The following SLAIN1 variants were observed in gnomAD, a reference collection of about 807,000 sequenced individuals.
SLAIN1 encodes SLAIN family member 1, also known as SLAIN motif-containing protein 1.
In SLAIN1, 17 loss-of-function variants were observed where a neutral mutation model predicts 55.4. The observed-to-expected ratio is 0.31, with a 90% CI of 0.21 to 0.46. SLAIN1 has a LOEUF of 0.46. SLAIN1 is among the 20% of genes least tolerant of loss of function. The probability of loss-of-function intolerance (pLI) is 1.00; values close to 1 mark genes in which losing one functional copy is unlikely to be tolerated. For synonymous variants in SLAIN1, 348 were observed against 337.4 expected (o/e 1.03, Z -0.35); for missense variants, 682 against 785.1 (o/e 0.87, Z 1.57).
At chr13:77,751,537 T>C (rs1874211107) in intron 4 of SLAIN1, among the ~76,000 whole-genome samples, 1 of 152,152 alleles carries the variant, frequency 6.6e-6, no homozygotes, top group South Asian at 2.1e-4. Context: ...GTAAACACAA[T>C]AGATGTTTGT....
chr13:77,731,016 T>C (rs372936181), intron 2 of SLAIN1, among the ~76,000 whole-genome samples: 5 of 151,956 alleles, frequency 3.3e-5, no homozygotes, highest in African/African-American at 9.7e-5. Flanking sequence ...ATGAGAGAAG[T>C]GAGGGGACAA....
chr13:77,698,060 AGCGGCCAGCGCG>A lies in SLAIN1; in HGVS notation c.150_161del (p.Ser52_Ala55del), dbSNP rs770558787. ...AGCAGAACGAGCAGCTGCGGAGTCG[AGCGGCCAGCGCG>A]GCCGCCGCCCCGCACCTGCTGCTGC... On this transcript the variant is annotated inframe_deletion, in exon 1 of 7. Transcript: ENST00000418532. This position sits in a 1 kb window ranked among gnomAD's most constrained non-coding sequence, Gnocchi z 4.1. 111 of 1,358,106 alleles carry A rather than the reference AGCGGCCAGCGCG, an allele frequency of 8.2e-5. 2 individuals are homozygous for A. The South Asian group carries it at 1.6e-3, about 20-fold the overall frequency. The allele number at this position is 1,358,106 out of a possible 1,614,324, so 84.1% of individuals were successfully genotyped here.
intron 6 of SLAIN1, among the ~76,000 whole-genome samples, chr13:77,762,675 T>C (rs1312511299): frequency 6.6e-6 from 1 of 152,296 alleles, no homozygotes; most frequent in East Asian, 1.9e-4. Flanking sequence ...GTTGGGATTA[T>C]AGATGTGAGC....
chr13:77,726,594 A>T (rs1249905290), intron 2 of SLAIN1, among the ~76,000 whole-genome samples: 1 of 151,832 alleles, frequency 6.6e-6, no homozygotes, highest in Non-Finnish European at 1.5e-5. Flanking sequence ...TACCTGGCAA[A>T]TTTTTTGCAG....
chr13:77,705,580 C>T (rs1034919320), intron 1 of SLAIN1, among the ~76,000 whole-genome samples: 1 of 150,990 alleles, frequency 6.6e-6, no homozygotes, highest in African/African-American at 2.4e-5. Context: ...ATTCTAATGA[C>T]ATTGAATAAA....
At chr13:77,738,609 C>T (rs1002493099) in intron 2 of SLAIN1, among the ~76,000 whole-genome samples, 4 of 152,020 alleles carry the variant, frequency 2.6e-5, no homozygotes, top group Non-Finnish European at 4.4e-5. Flanking sequence ...AGCAAACTAA[C>T]GCAGAACAGA....
At chr13:77,744,100 T>A (rs1873644485) in intron 2 of SLAIN1, 183 bp from the exon 3 acceptor site, 1 of 596,170 alleles carries the variant, frequency 1.7e-6, no homozygotes. Context: ...AATGAACAAG[T>A]GGTTTTGTAT....
At chr13:77,710,994 T>G (rs965576337) in intron 1 of SLAIN1, among the ~76,000 whole-genome samples, 3 of 152,056 alleles carry the variant, frequency 2.0e-5, no homozygotes, top group Non-Finnish European at 4.4e-5. Flanking sequence ...ACTGGGTAAA[T>G]AAAGAAATTA....
chr13:77,748,548 G>C (rs1025625144), intron 4 of SLAIN1, among the ~76,000 whole-genome samples: 2 of 151,902 alleles, frequency 1.3e-5, no homozygotes, highest in African/African-American at 4.8e-5. Flanking sequence ...CAGAAAAGTG[G>C]TATTCACTTC....
intron 1 of SLAIN1, among the ~76,000 whole-genome samples, chr13:77,703,555 G>T (rs749605852): frequency 6.6e-6 from 1 of 152,028 alleles, no homozygotes; most frequent in Non-Finnish European, 1.5e-5. Context: ...TTGAAGTGAG[G>T]TGCTGAAGTA....
chr13:77,705,451 C>G (rs970207852), intron 1 of SLAIN1, among the ~76,000 whole-genome samples: 1 of 151,860 alleles, frequency 6.6e-6, no homozygotes, highest in Non-Finnish European at 1.5e-5. Flanking sequence ...TTCAGATGCT[C>G]TTGCCAGAAT....
chr13:77,753,027 C>A (rs890298578), intron 4 of SLAIN1, among the ~76,000 whole-genome samples, 176 bp from the exon 5 acceptor site: 4 of 152,134 alleles, frequency 2.6e-5, no homozygotes, highest in Non-Finnish European at 5.9e-5. Flanking sequence ...TTGGTGGGAA[C>A]CCTTCTGGTT....
chr13:77,742,914 TTTGTC>T (rs900276794), intron 2 of SLAIN1: 28 of 737,640 alleles, frequency 3.8e-5, no homozygotes, highest in Middle Eastern at 3.1e-4. Context: ...GAAAAGTTGC[TTTGTC>T]TTTTTTTTTT....
At chr13:77,744,621 A>G in intron 3 of SLAIN1, 189 bp downstream of exon 3, 1 of 761,912 alleles carries the variant, frequency 1.3e-6, no homozygotes, top group East Asian at 2.7e-5. Flanking sequence ...ACTTAGTCTG[A>G]TGAAAACACA....
chr13:77,699,166 C>T (rs762535191), intron 1 of SLAIN1: 5 of 1,049,990 alleles, frequency 4.8e-6, no homozygotes, highest in Non-Finnish European at 6.8e-6. Flanking sequence ...GGTGACCTCA[C>T]TGGCTTTCCC....
chr13:77,728,360 GGC>G (rs2091327195), intron 2 of SLAIN1, among the ~76,000 whole-genome samples: 1 of 152,142 alleles, frequency 6.6e-6, no homozygotes, highest in South Asian at 2.1e-4. Flanking sequence ...CCCAAAATGT[GGC>G]TCAGTTAATT....
chr13:77,722,655 A>T (rs1485444309), intron 2 of SLAIN1, among the ~76,000 whole-genome samples: 1 of 152,098 alleles, frequency 6.6e-6, no homozygotes, highest in African/African-American at 2.4e-5. Flanking sequence ...TGTCCTTTCT[A>T]TGTAACCTTT....
At chr13:77,739,834 C>T (rs1012368338) in intron 2 of SLAIN1, among the ~76,000 whole-genome samples, 3 of 151,936 alleles carry the variant, frequency 2.0e-5, no homozygotes, top group Non-Finnish European at 4.4e-5. Context: ...TTTGGTCATA[C>T]TTTGCTTAAT....
intron 2 of SLAIN1, among the ~76,000 whole-genome samples, chr13:77,732,533 A>G (rs990672179): frequency 2.6e-5 from 4 of 152,184 alleles, no homozygotes; most frequent in African/African-American, 9.6e-5. Flanking sequence ...AAATTATTAG[A>G]TCAGTCTTCT....
Sources: gnomAD v4.1 joint callset for allele counts (sites outside exome capture counted in the v4.1 genomes callset) on GRCh38, gnomAD v4.1.1 for gene constraint, Gnocchi (gnomAD v3.1) non-coding constraint, MANE v1.5 for transcripts, NCBI Gene and HGNC (gene_info 2026-07-23, HGNC 2026-07-21) for gene names.